KIAA0825: variants seen among roughly 807,000 people sequenced by gnomAD.
KIAA0825 encodes the protein KIAA0825, also known as uncharacterized protein KIAA0825.
A neutral mutation model predicts 147.6 loss-of-function variants in KIAA0825; 119 were observed. That is an observed-to-expected ratio of 0.81 (90% confidence interval 0.69 to 0.94). KIAA0825 has a LOEUF of 0.94. Ranked by LOEUF, KIAA0825 falls within the 40% of genes least tolerant of loss-of-function variation. The probability of loss-of-function intolerance (pLI) is 0.00; values close to 1 mark genes in which losing one functional copy is unlikely to be tolerated. For synonymous variants in KIAA0825, 470 were observed against 518.1 expected, an observed-to-expected ratio of 0.91 and a Z score of 1.26; for missense variants, 1,381 against 1,472.7, an observed-to-expected ratio of 0.94 and a Z score of 1.02.
Position 94,521,017 on chromosome 5 carries a change from A to C in KIAA0825, c.301-100T>G, listed in dbSNP as rs562401138. 2.2e-5 allele frequency: 22 copies of C among 1,011,750 alleles called. No homozygotes were observed. In the South Asian group the frequency reaches 3.7e-4, roughly 17 times the overall value. The allele number at this position is 1,011,750 out of a possible 1,614,324, so 62.7% of individuals were successfully genotyped here. ...ATAATAATTTCAGGTTGAAATCAAT[A>C]CTCTAAAATTCCTTAAGATTTTATT... is the stretch of plus-strand genomic sequence containing the variant. On this transcript the variant is annotated intron_variant, in intron 4 of 20. Coordinates refer to ENST00000682413, the MANE Select transcript of KIAA0825 (RefSeq NM_001145678.3).
chr5:94,364,090 A>T (rs1170322889), intron 20 of KIAA0825, among the ~76,000 whole-genome samples: 1 of 152,036 alleles, frequency 6.6e-6, no homozygotes, highest in Non-Finnish European at 1.5e-5. Context: ...AGGAGCTATC[A>T]GTCTATTTAG....
intron 20 of KIAA0825, among the ~76,000 whole-genome samples, chr5:94,325,620 T>C (rs962018026): frequency 2.0e-5 from 3 of 151,994 alleles, no homozygotes; most frequent in Admixed American, 6.6e-5. Flanking sequence ...CTCAATTAAC[T>C]TTAGTATATG....
At chr5:94,600,433 A>G (rs925674467) in intron 1 of KIAA0825, among the ~76,000 whole-genome samples, 3 of 151,546 alleles carry the variant, frequency 2.0e-5, no homozygotes, top group Non-Finnish European at 4.4e-5. Flanking sequence ...ATTTCCTTAT[A>G]TATTTCCTTA....
At chr5:94,259,889 G>A (rs1334016669) in intron 20 of KIAA0825, among the ~76,000 whole-genome samples, 1 of 151,816 alleles carries the variant, frequency 6.6e-6, no homozygotes, top group African/African-American at 2.4e-5. Context: ...AAGTCACTCA[G>A]CATGCCATTA....
At chr5:94,558,617 A>C (rs2152283092) in intron 2 of KIAA0825, among the ~76,000 whole-genome samples, 1 of 152,344 alleles carries the variant, frequency 6.6e-6, no homozygotes. Context: ...ATCTGCCATT[A>C]AACACCAATA....
intron 2 of KIAA0825, among the ~76,000 whole-genome samples, chr5:94,549,412 A>G (rs1162346858): frequency 6.6e-6 from 1 of 152,178 alleles, no homozygotes; most frequent in East Asian, 1.9e-4. Flanking sequence ...TGGAAACACA[A>G]CATACCAAAA....
chr5:94,397,915 T>C (rs1584374701), intron 16 of KIAA0825, among the ~76,000 whole-genome samples: 1 of 152,152 alleles, frequency 6.6e-6, no homozygotes, highest in East Asian at 1.9e-4. Context: ...ACTAAAACCA[T>C]TGTCTTCCAA....
chr5:94,414,283 T>C (rs1211288604), intron 15 of KIAA0825: 1 of 152,204 alleles, frequency 6.6e-6, no homozygotes, highest in Non-Finnish European at 1.5e-5. Context: ...TTTTTGACAG[T>C]ATTTGCCTCA....
chr5:94,183,657 C>T (rs150800429), intron 20 of KIAA0825, among the ~76,000 whole-genome samples: 2 of 152,198 alleles, frequency 1.3e-5, no homozygotes, highest in East Asian at 3.9e-4. Context: ...GATGAAACCT[C>T]TATAAAAATC....
intron 16 of KIAA0825, among the ~76,000 whole-genome samples, chr5:94,402,286 T>G (rs1340593677): frequency 6.6e-6 from 1 of 152,072 alleles, no homozygotes; most frequent in Non-Finnish European, 1.5e-5. Flanking sequence ...ATAGAATGAC[T>G]CGAAAGCCAC....
chr5:94,397,117 C>A (rs1750765758), intron 16 of KIAA0825, among the ~76,000 whole-genome samples: 1 of 152,102 alleles, frequency 6.6e-6, no homozygotes, highest in Non-Finnish European at 1.5e-5. Flanking sequence ...TAATTATGTC[C>A]TTTTCCTGCA....
chr5:94,392,648 T>A (rs948182104), intron 17 of KIAA0825, among the ~76,000 whole-genome samples: 53 of 152,322 alleles, frequency 3.5e-4, no homozygotes, highest in African/African-American at 1.1e-3. Context: ...TTTTCTGTGG[T>A]GTAATCAGCT....
chr5:94,409,135 C>T (rs1409906107), intron 15 of KIAA0825, among the ~76,000 whole-genome samples: 1 of 152,120 alleles, frequency 6.6e-6, no homozygotes, highest in Non-Finnish European at 1.5e-5. Flanking sequence ...CAGTAGTCAG[C>T]TGATAAAGCC....
chr5:94,462,429 G>T lies in KIAA0825; in HGVS notation c.2204C>A (p.Thr735Lys). 1 of 1,484,312 alleles carries T rather than the reference G, an allele frequency of 6.7e-7. No homozygotes were observed. The highest frequency in any genetic ancestry group is 9.2e-7 in the Non-Finnish European group (1 of 1,092,140). The allele number at this position is 1,484,312 out of a possible 1,614,324, so 91.9% of individuals were successfully genotyped here. A position where few individuals can be genotyped will look rare whatever the true frequency, so the allele number is the denominator to read the frequency against. Residue 735 changes from threonine to lysine, a missense_variant, in exon 12 of 21, where the codon ACA (threonine) becomes AAA (lysine). Thr to Lys is a moderately conservative substitution (Grantham distance 78, BLOSUM62 -1). Coordinates refer to ENST00000682413, the MANE Select transcript of KIAA0825 (RefSeq NM_001145678.3). ...TGGTGAAGTCAAAATGACTAATGTT[G>T]TAAACAGATTATTACAATGAGTGTG... ...KIHTHCNNLFTTLVILTSPLT... is the reference protein window; with the variant it reads ...KIHTHCNNLFKTLVILTSPLT...
rs535644002 is a variant in KIAA0825 at position 94,183,616 on chromosome 5, T to A, written c.3711-29492A>T. Among the ~76,000 whole-genome samples, 6 of 152,286 alleles carry A rather than the reference T, an allele frequency of 3.9e-5. No individual in the cohort carries two copies. In the South Asian group the frequency reaches 8.3e-4, roughly 21 times the overall value. ...AGAAAAGGGCTGGAAATTGAGCCAA[T>A]GGCCAATGATTTAATCAATCATGCT... is the stretch of plus-strand genomic sequence containing the variant. On this transcript the variant is annotated intron_variant, in intron 20 of 20. Transcript: ENST00000682413.
chr5:94,342,384 C>G (rs1214273414), intron 20 of KIAA0825, among the ~76,000 whole-genome samples: 1 of 152,116 alleles, frequency 6.6e-6, no homozygotes, highest in African/African-American at 2.4e-5. Context: ...CACCAAACCA[C>G]ATTTTTAAAC....
intron 20 of KIAA0825, among the ~76,000 whole-genome samples, chr5:94,178,268 A>C (rs1306702920): frequency 6.6e-6 from 1 of 151,864 alleles, no homozygotes; most frequent in Non-Finnish European, 1.5e-5. Context: ...TTTCCTGTCC[A>C]TCAGTTAGTC....
chr5:94,471,484 A>G lies in KIAA0825; in HGVS notation c.1703T>C (p.Met568Thr), dbSNP rs1761212840. 2.6e-6 allele frequency: 4 copies of G among 1,551,896 alleles called. No homozygotes were observed. The highest frequency in any genetic ancestry group is 3.5e-6 in the Non-Finnish European group (4 of 1,146,998). ...FQHFKRYDNL[M>T]KEMTKKPIFL... ...CACTCACTTTTTAGTCATTTCCTTC[A>G]TCAAATTATCATATCGCTTGAAATG... The change falls in exon 9 of 21, where the codon ATG becomes ACG. Residue 568 changes from methionine to threonine, a missense_variant. By Grantham distance (81) the Met-to-Thr change is moderately conservative. Transcript: ENST00000682413.
chr5:94,407,736 C>G (rs1161499148), intron 15 of KIAA0825, among the ~76,000 whole-genome samples: 1 of 152,120 alleles, frequency 6.6e-6, no homozygotes, highest in Non-Finnish European at 1.5e-5. Flanking sequence ...TTAAAATGGT[C>G]TAAAATTAAA....
Sources: allele counts gnomAD v4.1 joint callset (sites outside exome capture counted in the v4.1 genomes callset), GRCh38; gene constraint gnomAD v4.1.1; transcripts MANE v1.5; gene names NCBI Gene and HGNC (gene_info 2026-07-23, HGNC 2026-07-21).